AQR: variants seen among roughly 807,000 people sequenced by gnomAD.
AQR encodes the protein RNA helicase aquarius.
In AQR, 61 loss-of-function variants were observed where a neutral mutation model predicts 180.5. The ratio of observed to expected loss-of-function variants is 0.34; its 90% confidence interval spans 0.28 to 0.42. AQR has a LOEUF of 0.42. Ranked by LOEUF, AQR falls within the 10% of genes least tolerant of loss-of-function variation. The pLI, the probability that AQR is intolerant of heterozygous loss-of-function variation, is 1.00. For missense variants in AQR, 1,281 were observed against 1,798.3 expected (o/e 0.71, Z 5.20); for synonymous variants, 551 against 588.8 (o/e 0.94, Z 0.93).
At chr15:34,874,985 C>T (rs1892871148) in intron 28 of AQR, 121 bp from the exon 29 acceptor site, 2 of 913,076 alleles carry the variant, frequency 2.2e-6, no homozygotes, top group African/African-American at 3.4e-5. Context: ...CCAAACTTTA[C>T]CAGCTCCACA....
At chr15:34,890,984 GA>G (rs1893137458) in intron 23 of AQR, among the ~76,000 whole-genome samples, 1 of 152,072 alleles carries the variant, frequency 6.6e-6, no homozygotes, top group South Asian at 2.1e-4. Flanking sequence ...TCATAGTATG[GA>G]AAGACTCACT....
At chr15:34,907,771 G>A (rs1893440698) in intron 17 of AQR, among the ~76,000 whole-genome samples, 1 of 152,170 alleles carries the variant, frequency 6.6e-6, no homozygotes, top group Non-Finnish European at 1.5e-5. Flanking sequence ...TGTCTGATCT[G>A]CACAGCTCAT....
chr15:34,910,906 C>A (rs1312433225), intron 16 of AQR, among the ~76,000 whole-genome samples: 2 of 152,148 alleles, frequency 1.3e-5, no homozygotes, highest in African/African-American at 4.8e-5. Flanking sequence ...TATCTTGTAA[C>A]TGAAAGTTTA....
At chr15:34,936,094 T>C (rs899443838) in intron 9 of AQR, among the ~76,000 whole-genome samples, 3 of 152,186 alleles carry the variant, frequency 2.0e-5, no homozygotes, top group Admixed American at 1.3e-4. Context: ...GGTAGAAACC[T>C]TGCTATCCCA....
chr15:34,862,747 C>G (rs572962704), intron 33 of AQR, 120 bp downstream of exon 33: 5 of 1,116,484 alleles, frequency 4.5e-6, no homozygotes, highest in Non-Finnish European at 6.3e-6. Context: ...GTGCAGCACA[C>G]TCTAAAACAG....
At chr15:34,912,333 A>C (rs915681087) in intron 16 of AQR, among the ~76,000 whole-genome samples, 1 of 131,010 alleles carries the variant, frequency 7.6e-6, no homozygotes, top group African/African-American at 2.5e-5. Context: ...AAGGCAGTCT[A>C]GTGGTCATAA....
At chr15:34,948,094 T>C in intron 5 of AQR, 170 bp downstream of exon 5, 1 of 656,170 alleles carries the variant, frequency 1.5e-6, no homozygotes, top group Admixed American at 3.3e-5. Flanking sequence ...AAGAAAGTAT[T>C]GAAACCAAAA....
At chr15:34,875,902 T>C in intron 28 of AQR, 33 bp downstream of exon 28, 1 of 1,530,912 alleles carries the variant, frequency 6.5e-7, no homozygotes, top group Non-Finnish European at 9.0e-7. Flanking sequence ...CTTAGAACTC[T>C]ATTTTCTTTG....
chr15:34,900,529 G>A, intron 20 of AQR, 93 bp downstream of exon 20: 1 of 1,460,654 alleles, frequency 6.8e-7, no homozygotes, highest in Non-Finnish European at 9.2e-7. Context: ...TCCAAATATA[G>A]TACTCAAAAC....
intron 16 of AQR, among the ~76,000 whole-genome samples, chr15:34,912,351 C>G (rs547013590): frequency 1.1e-4 from 6 of 53,702 alleles, no homozygotes; most frequent in African/African-American, 1.9e-4. Context: ...TAAACTCTCT[C>G]AGTTTTTGTT....
At chr15:34,920,154 A>C (rs150128012) in intron 14 of AQR, among the ~76,000 whole-genome samples, 178 bp downstream of exon 14, 3,030 of 152,320 alleles carry the variant, frequency 0.02, 58 homozygotes, top group Admixed American at 0.066. Context: ...ACTTGAGTAA[A>C]GAAATTCGAA....
At chr15:34,904,293 TAAA>T in intron 19 of AQR, 40 bp downstream of exon 19, 1 of 1,395,004 alleles carries the variant, frequency 7.2e-7, no homozygotes. Flanking sequence ...AAAAGTTACT[TAAA>T]TTATGACATA....
chr15:34,928,196 T>G (rs536886910), intron 12 of AQR, among the ~76,000 whole-genome samples: 1 of 152,316 alleles, frequency 6.6e-6, no homozygotes, highest in Admixed American at 6.5e-5. Context: ...AACAGAGATT[T>G]TTTTTTTTCA....
At chr15:34,875,206 G>C (rs193254528) in intron 28 of AQR, among the ~76,000 whole-genome samples, 2 of 152,248 alleles carry the variant, frequency 1.3e-5, no homozygotes, top group Admixed American at 6.5e-5. Flanking sequence ...AGCCCAAGAA[G>C]AGAAATGGAA....
At chr15:34,920,176 C>CA (rs1893662488) in intron 14 of AQR, among the ~76,000 whole-genome samples, 156 bp downstream of exon 14, 1 of 151,996 alleles carries the variant, frequency 6.6e-6, no homozygotes, top group African/African-American at 2.4e-5. Flanking sequence ...GATGAGAAAA[C>CA]AAAAAATCAA....
chr15:34,943,067 C>T (rs540097932), intron 6 of AQR: 58 of 1,610,212 alleles, frequency 3.6e-5, no homozygotes, highest in Admixed American at 1.3e-4. Context: ...GTGCCGATAA[C>T]GCTCACGCAA....
Position 34,889,899 on chromosome 15 carries a change from T to C in AQR, c.2681+316A>G, listed in dbSNP as rs117417375. Among the ~76,000 whole-genome samples the C allele has an allele frequency of 8.3e-3, 1,267 of 152,322 alleles. 9 individuals are homozygous for C. The highest frequency in any genetic ancestry group is 0.012 in the Non-Finnish European group (798 of 68,032). On this transcript the variant is annotated intron_variant, in intron 24 of 34. Coordinates refer to ENST00000156471, the MANE Select transcript of AQR (RefSeq NM_014691.3). ...GTGAAAAAGGAATCATTTAAAGTTG[T>C]ACAGTTTTGAACTGGCAGCATGAAA...
intron 21 of AQR, 133 bp downstream of exon 21, chr15:34,897,426 A>G: frequency 9.8e-7 from 1 of 1,017,084 alleles, no homozygotes; most frequent in Non-Finnish European, 1.4e-6. Flanking sequence ...CTGACAGAAT[A>G]GAAAGAAAGA....
rs764626387 is a variant in AQR at position 34,927,066 on chromosome 15, C to G, written c.1087G>C (p.Glu363Gln). 1.3e-6 allele frequency: 2 copies of G among 1,596,312 alleles called. No individual in the cohort carries two copies. Among genetic ancestry groups the G allele is most frequent in the South Asian group, 2.3e-5 (2 of 87,350 alleles). Residue 363 changes from glutamate to glutamine, a missense_variant, in exon 13 of 35, where the codon GAG (glutamate) becomes CAG (glutamine). By Grantham distance (29) the Glu-to-Gln change is conservative. Transcript: ENST00000156471. ...GGTCCAAAAAACTTGACCAAGGACT[C>G]CCGAGTATCTACTTCTGCCACATTT... Reference protein sequence around the residue: ...LSNVAEVDTRESLVKFFGPLS... With the variant: ...LSNVAEVDTRQSLVKFFGPLS...
Sources: gnomAD v4.1 joint callset for allele counts (sites outside exome capture counted in the v4.1 genomes callset) on GRCh38, gnomAD v4.1.1 for gene constraint, MANE v1.5 for transcripts, NCBI Gene and HGNC (gene_info 2026-07-23, HGNC 2026-07-21) for gene names.